The following GAPVD1 variants were observed in gnomAD, a reference collection of about 807,000 sequenced individuals.
GAPVD1 encodes GTPase-activating protein and VPS9 domain-containing protein 1.
A neutral mutation model predicts 155.5 loss-of-function variants in GAPVD1; 35 were observed. The observed-to-expected ratio is 0.23, with a 90% CI of 0.17 to 0.30. The LOEUF is 0.30. Ranked by LOEUF, GAPVD1 falls within the 10% of genes least tolerant of loss-of-function variation. The pLI is 1.00. For missense variants in GAPVD1, 1,429 were observed against 1,775.7 expected, an observed-to-expected ratio of 0.80 and a Z score of 3.51; for synonymous variants, 636 against 619.7, an observed-to-expected ratio of 1.03 and a Z score of -0.39.
At chr9:125,263,175 G>A (rs539678750) in intron 1 of GAPVD1, among the ~76,000 whole-genome samples, 1 of 152,328 alleles carries the variant, frequency 6.6e-6, no homozygotes, top group East Asian at 1.9e-4. Context: ...TGAGGTCCGT[G>A]CACAAAAAGA....
intron 2 of GAPVD1, among the ~76,000 whole-genome samples, chr9:125,280,841 C>G (rs1442295711): frequency 6.6e-6 from 1 of 152,238 alleles, no homozygotes; most frequent in Non-Finnish European, 1.5e-5. Context: ...TTCCAAAGTG[C>G]TGGGATTACA....
intron 19 of GAPVD1, among the ~76,000 whole-genome samples, chr9:125,342,715 T>C (rs886164597): frequency 1.3e-5 from 2 of 152,248 alleles, no homozygotes; most frequent in African/African-American, 4.8e-5. Context: ...TTTATTTTCA[T>C]CTACAGTTTG....
At position 125,360,534 on chromosome 9, in the gene GAPVD1, C is replaced by T; in HGVS notation, c.4051C>T (p.Leu1351Phe). 2 of 1,613,578 alleles carry T rather than the reference C, an allele frequency of 1.2e-6. No individual in the cohort carries two copies. The highest frequency in any genetic ancestry group is 2.7e-5 in the African/African-American group (2 of 74,990). Residue 1351 changes from leucine (L) to phenylalanine (F), a missense_variant, in exon 27 of 28, where the codon CTT becomes TTT. Physicochemically the swap from Leu to Phe is conservative, Grantham distance 22. This residue lies in a region of GAPVD1 where 102 missense variants were observed against 196.5 expected (regional missense o/e 0.52). Coordinates refer to ENST00000297933, the MANE Select transcript of GAPVD1 (RefSeq NM_001282680.3). ...TGTCTATGGTCTCACTTAGGTTTATCTTCGAGAAGCACCATGGCCATCTGC... is the reference window on the plus strand; with the variant it reads ...TGTCTATGGTCTCACTTAGGTTTATTTTCGAGAAGCACCATGGCCATCTGC... ...HRALQIPEVY[L>F]REAPWPSAQS...
intron 9 of GAPVD1, among the ~76,000 whole-genome samples, chr9:125,314,075 A>G (rs1029199133): frequency 2.0e-5 from 3 of 152,226 alleles, no homozygotes; most frequent in African/African-American, 7.2e-5. Flanking sequence ...CAGAAGAGAG[A>G]TGAAGCCAGG....
rs368888422 is a variant in GAPVD1, at chr9:125,330,161, A to C, written c.2116A>C (p.Thr706Pro). The change falls in exon 13 of 28, where the codon ACC (threonine) becomes CCC (proline). Residue 706 changes from threonine to proline, a missense_variant. Physicochemically the swap from Thr to Pro is conservative, Grantham distance 38. Around this residue, in one of 4 missense-constraint regions of GAPVD1, gnomAD observed 699 missense variants for 826.0 expected, o/e 0.85. Transcript: ENST00000297933. ...GCTTCTTGACCCCTGCACTGGTTCT[A>C]CCATATCAGAGACAACAAGTGAAGC... The part of the protein sequence containing the change: ...SVLLDPCTGS[T>P]ISETTSEAWS... The C allele has an allele frequency of 6.2e-7, 1 of 1,612,214 alleles. No individual in the cohort carries two copies. The highest frequency in any genetic ancestry group is 8.5e-7 in the Non-Finnish European group (1 of 1,178,420).
intron 3 of GAPVD1, among the ~76,000 whole-genome samples, chr9:125,297,039 T>C (rs1840002069): frequency 6.6e-6 from 1 of 152,206 alleles, no homozygotes; most frequent in Non-Finnish European, 1.5e-5. Flanking sequence ...GCCACAGGTA[T>C]TTCTGTTGTT....
chr9:125,279,292 C>T (rs574351893), intron 2 of GAPVD1, among the ~76,000 whole-genome samples: 1 of 151,384 alleles, frequency 6.6e-6, no homozygotes, highest in African/African-American at 2.4e-5. Flanking sequence ...TGAGGAAGGC[C>T]GGCCGCAATG....
intron 2 of GAPVD1, among the ~76,000 whole-genome samples, chr9:125,283,116 A>G (rs1837067005): frequency 1.3e-5 from 2 of 148,292 alleles, no homozygotes; most frequent in South Asian, 2.1e-4. Flanking sequence ...CTGGAGTGCA[A>G]TGGCGTGATC....
At chr9:125,329,656 A>G (rs1270130152) in intron 12 of GAPVD1, among the ~76,000 whole-genome samples, 2 of 149,444 alleles carry the variant, frequency 1.3e-5, no homozygotes, top group African/African-American at 4.9e-5. Context: ...TTTTTGAGAC[A>G]AAGTCCCAAA....
At position 125,307,860 on chromosome 9, in the gene GAPVD1, A is replaced by C; in HGVS notation, c.1421A>C (p.Lys474Thr). ...QLSPATTPAN[K>T]KNRLPIATRS... is the part of the protein sequence containing the mutation. ...TCTCCAGCAACCACTCCAGCAAATAAAAAGAATCGATTACCTATAGGTAAA... is the reference window on the plus strand; with the variant it reads ...TCTCCAGCAACCACTCCAGCAAATACAAAGAATCGATTACCTATAGGTAAA... The change falls in exon 8 of 28, where the codon AAA (lysine) becomes ACA (threonine). Residue 474 changes from lysine (K) to threonine (T), a missense_variant. Physicochemically the swap from Lys to Thr is moderately conservative, Grantham distance 78. Transcript: ENST00000297933. The C allele has an allele frequency of 1.2e-6, 2 of 1,610,216 alleles. No homozygotes were observed.
intron 2 of GAPVD1, among the ~76,000 whole-genome samples, chr9:125,272,851 G>A (rs1231029142): frequency 1.3e-5 from 2 of 152,110 alleles, no homozygotes; most frequent in African/African-American, 4.8e-5. Flanking sequence ...TTTTGAGGGT[G>A]GACTCTTGGA....
intron 9 of GAPVD1, among the ~76,000 whole-genome samples, chr9:125,316,688 T>C (rs142264201): frequency 1.2e-3 from 184 of 152,326 alleles, no homozygotes; most frequent in African/African-American, 4.1e-3. Context: ...TGAATAGTGC[T>C]TCAATAAACG....
At chr9:125,337,118 T>C in intron 16 of GAPVD1, 23 bp downstream of exon 16, 1 of 1,602,728 alleles carries the variant, frequency 6.2e-7, no homozygotes, top group Non-Finnish European at 8.5e-7. Context: ...AATGAACTTT[T>C]TCACTTATGT....
At chr9:125,342,859 T>G (rs954862978) in intron 19 of GAPVD1, among the ~76,000 whole-genome samples, 3 of 152,226 alleles carry the variant, frequency 2.0e-5, no homozygotes, top group Admixed American at 6.5e-5. Flanking sequence ...TACTAATTTT[T>G]TACAGCTTGA....
In GAPVD1 at chr9:125,349,495, C is replaced by T. The variant is rs991793373; in HGVS notation, c.3275C>T (p.Pro1092Leu). 1.1e-4 allele frequency: 176 copies of T among 1,613,810 alleles called. 10 individuals carry two copies. Among genetic ancestry groups the T allele is most frequent in the Non-Finnish European group, 3.1e-5 (37 of 1,179,934 alleles). The change falls in exon 21 of 28, where the codon CCG becomes CTG. Residue 1092 changes from proline (P) to leucine (L), a missense_variant. Coordinates refer to ENST00000297933, the MANE Select transcript of GAPVD1 (RefSeq NM_001282680.3). ...LPDSASQAAH[P>L]QDSAFSYRDA... ...GACTCTGCAAGCCAAGCAGCCCACC[C>T]GCAGGATTCAGCTTTCTCTTACAGG...
intron 14 of GAPVD1, 37 bp from the exon 15 acceptor site, chr9:125,332,473 C>T: frequency 6.6e-7 from 1 of 1,505,496 alleles, no homozygotes; most frequent in Non-Finnish European, 9.0e-7. Flanking sequence ...ATATTTTGTT[C>T]TTCTTCCTGT....
chr9:125,306,419 C>T (rs1317202343), intron 6 of GAPVD1, among the ~76,000 whole-genome samples: 1 of 152,184 alleles, frequency 6.6e-6, no homozygotes, highest in Non-Finnish European at 1.5e-5. Flanking sequence ...ATACTTCCAA[C>T]CATCCCTTCC....
chr9:125,355,355 C>T (rs563954542), intron 24 of GAPVD1, among the ~76,000 whole-genome samples: 44 of 152,306 alleles, frequency 2.9e-4, no homozygotes, highest in East Asian at 1.9e-3. Context: ...CCGCCCACCT[C>T]GGCTTCCCAA....
chr9:125,356,304 C>G (rs1294230679), intron 25 of GAPVD1, among the ~76,000 whole-genome samples: 1 of 152,132 alleles, frequency 6.6e-6, no homozygotes, highest in Non-Finnish European at 1.5e-5. Context: ...CTGAACCCAG[C>G]CCTACTAACA....
Sources: allele counts gnomAD v4.1 joint callset (sites outside exome capture counted in the v4.1 genomes callset), GRCh38; gene constraint gnomAD v4.1.1; regional missense constraint gnomAD v4.1.1; transcripts MANE v1.5; gene names NCBI Gene and HGNC (gene_info 2026-07-23, HGNC 2026-07-21).